KCNIP4: variants seen among roughly 807,000 people sequenced by gnomAD.
KCNIP4 encodes the protein Kv channel-interacting protein 4.
Under a neutral mutation model 34.0 loss-of-function variants are expected in KCNIP4, and 12 were observed. The ratio of observed to expected loss-of-function variants is 0.35; its 90% CI spans 0.23 to 0.57. KCNIP4 has a LOEUF of 0.57. KCNIP4 is among the 20% of genes least tolerant of loss of function. The pLI is 0.83. For synonymous variants in KCNIP4, 124 were observed against 102.2 expected (o/e 1.21, Z -1.29); for missense variants, 238 against 311.7 (o/e 0.76, Z 1.78).
intron 1 of KCNIP4, among the ~76,000 whole-genome samples, chr4:21,401,324 A>T (rs1723539010): frequency 6.6e-6 from 1 of 152,192 alleles, no homozygotes; most frequent in Non-Finnish European, 1.5e-5. Flanking sequence ...TCAAATAAGG[A>T]AAAACATGGA....
At chr4:21,921,491 T>C (rs1390397383) in intron 1 of KCNIP4, among the ~76,000 whole-genome samples, 1 of 152,180 alleles carries the variant, frequency 6.6e-6, no homozygotes, top group Admixed American at 6.5e-5. Flanking sequence ...TAGTTGACAT[T>C]TCTACTCAGA....
intron 1 of KCNIP4, among the ~76,000 whole-genome samples, chr4:21,043,663 A>G (rs1742161278): frequency 6.6e-6 from 1 of 152,080 alleles, no homozygotes; most frequent in Admixed American, 6.6e-5. Flanking sequence ...TAGATATGTG[A>G]TAGAAGAAGA....
intron 2 of KCNIP4, among the ~76,000 whole-genome samples, chr4:20,864,647 C>G (rs1006919624): frequency 1.3e-5 from 2 of 151,824 alleles, no homozygotes; most frequent in African/African-American, 4.8e-5. Context: ...AATTCATGCA[C>G]CCAAATAAGA....
chr4:20,999,791 A>T (rs1188228759), intron 1 of KCNIP4, among the ~76,000 whole-genome samples: 35 of 152,200 alleles, frequency 2.3e-4, no homozygotes, highest in Admixed American at 2.3e-3. Flanking sequence ...CAGAAAAAAA[A>T]ATACCATTTC....
chr4:20,870,394 C>T (rs1252346960), intron 2 of KCNIP4, among the ~76,000 whole-genome samples: 19 of 152,094 alleles, frequency 1.2e-4, no homozygotes, highest in Admixed American at 1.0e-3. Flanking sequence ...TGTAAGTTTC[C>T]TGAGGCCTCC....
Position 21,074,588 on chromosome 4 carries a change from G to T in KCNIP4, c.62-191879C>A, listed in dbSNP as rs1246660842. ...CTTTGTTGATCTTTTCAAAAAACCAGCTCCTGGAGTCATTGATTTTTTGAA... is the reference window on the plus strand; with the variant it reads ...CTTTGTTGATCTTTTCAAAAAACCATCTCCTGGAGTCATTGATTTTTTGAA... On this transcript the variant is annotated intron_variant, in intron 1 of 8. Transcript: ENST00000382152. 3.3e-5 allele frequency among the ~76,000 whole-genome samples: 5 copies of T among 152,190 alleles called. No individual in the cohort carries two copies. The East Asian group carries it at 9.7e-4, about 29-fold the overall frequency.
Position 21,001,474 on chromosome 4 carries a change from G to A in KCNIP4, c.62-118765C>T, listed in dbSNP as rs1738133362. ...GCCAGTTCATTTTGGATTTGAACTG[G>A]GCGAGGCTGAATTGCCCTGCCTAAT... On this transcript the variant is annotated intron_variant, in intron 1 of 8. Transcript: ENST00000382152. 2.0e-5 allele frequency among the ~76,000 whole-genome samples: 3 copies of A among 152,274 alleles called. No homozygotes were observed. The South Asian group carries it at 6.2e-4, about 32-fold the overall frequency.
chr4:21,306,123 T>C (rs1712436559), intron 1 of KCNIP4, among the ~76,000 whole-genome samples: 1 of 152,140 alleles, frequency 6.6e-6, no homozygotes, highest in Non-Finnish European at 1.5e-5. Context: ...TCCTAGACAT[T>C]CTAAAAGTAG....
intron 1 of KCNIP4, chr4:21,316,292 T>C (rs1381912382): frequency 1.3e-5 from 2 of 152,146 alleles, no homozygotes; most frequent in Non-Finnish European, 2.9e-5. Flanking sequence ...TACTTATCCA[T>C]GTGCCTGAAA....
At chr4:20,798,003 C>T (rs1346593013) in intron 3 of KCNIP4, among the ~76,000 whole-genome samples, 3 of 152,166 alleles carry the variant, frequency 2.0e-5, no homozygotes, top group Admixed American at 6.5e-5. Context: ...TAATTTGCTA[C>T]GCAGCAATAG....
chr4:21,355,719 G>A (rs1718516392), intron 1 of KCNIP4, among the ~76,000 whole-genome samples: 1 of 151,962 alleles, frequency 6.6e-6, no homozygotes, highest in African/African-American at 2.4e-5. Flanking sequence ...AAATCTACCA[G>A]GGTACAAAGA....
chr4:21,455,706 C>A (rs190978667), intron 1 of KCNIP4, among the ~76,000 whole-genome samples: 3 of 147,680 alleles, frequency 2.0e-5, no homozygotes, highest in East Asian at 2.0e-4. Flanking sequence ...CTACAACACC[C>A]TTTTTTTTCT....
chr4:21,421,768 A>G (rs1360087414), intron 1 of KCNIP4, among the ~76,000 whole-genome samples: 1 of 152,186 alleles, frequency 6.6e-6, no homozygotes, highest in African/African-American at 2.4e-5. Context: ...AAATACACAA[A>G]AAGATAAATA....
intron 1 of KCNIP4, among the ~76,000 whole-genome samples, chr4:20,999,371 G>C (rs1737853585): frequency 6.7e-6 from 1 of 150,246 alleles, no homozygotes; most frequent in Admixed American, 6.6e-5. Context: ...GATCACGAAG[G>C]GTCTTTAGAG....
chr4:21,320,073 T>A (rs1183252964), intron 1 of KCNIP4, among the ~76,000 whole-genome samples: 2 of 152,238 alleles, frequency 1.3e-5, no homozygotes, highest in Non-Finnish European at 2.9e-5. Context: ...TTAGAGCATT[T>A]GGAGAGAAAA....
At chr4:21,551,029 C>T (rs1013508278) in intron 1 of KCNIP4, among the ~76,000 whole-genome samples, 30 of 151,732 alleles carry the variant, frequency 2.0e-4, no homozygotes, top group Non-Finnish European at 2.6e-4. Flanking sequence ...ATTTAAAGAA[C>T]CAGAAACAAA....
intron 1 of KCNIP4, among the ~76,000 whole-genome samples, chr4:21,275,611 A>G (rs1762390839): frequency 6.6e-6 from 1 of 152,214 alleles, no homozygotes; most frequent in Admixed American, 6.5e-5. Context: ...CTTATTTTAT[A>G]CAGATAAGGA....
intron 1 of KCNIP4, among the ~76,000 whole-genome samples, chr4:21,296,721 G>T (rs370240077): frequency 7.2e-5 from 11 of 152,028 alleles, no homozygotes; most frequent in African/African-American, 2.7e-4. Context: ...TATGAGAACT[G>T]AAACACACAC....
chr4:20,919,634 C>T lies in KCNIP4; in HGVS notation c.62-36925G>A, dbSNP rs536151420. Among the ~76,000 whole-genome samples the T allele has an allele frequency of 5.7e-5, 8 of 139,510 alleles. No individual in the cohort carries two copies. In the East Asian group the frequency reaches 8.8e-4, roughly 15 times the overall value. The allele number at this position is 139,510 out of a possible 152,430, so 91.5% of individuals were successfully genotyped here. A position where few individuals can be genotyped will look rare whatever the true frequency, so the allele number is the denominator to read the frequency against. ...AGGAGAATGGCGTGAACACGGGAGG[C>T]GGAGCTTGCCCTGAGCGGAGATGGC... On this transcript the variant is annotated intron_variant, in intron 1 of 8. Transcript: ENST00000382152.
Sources: allele counts gnomAD v4.1 joint callset (sites outside exome capture counted in the v4.1 genomes callset), GRCh38; gene constraint gnomAD v4.1.1; transcripts MANE v1.5; gene names NCBI Gene and HGNC (gene_info 2026-07-23, HGNC 2026-07-21).